HCK: variants seen among roughly 807,000 people sequenced by gnomAD.
HCK encodes the protein tyrosine-protein kinase HCK.
Under a neutral mutation model 70.4 loss-of-function variants are expected in HCK, and 40 were observed. The ratio of observed to expected loss-of-function variants is 0.57; its 90% confidence interval spans 0.44 to 0.74. The LOEUF (loss-of-function observed/expected upper bound fraction) is 0.74, where lower values mean the gene tolerates loss of function less well. Among genes scored for constraint, HCK ranks in the 30% least tolerant of loss-of-function variants. The pLI, the probability that HCK is intolerant of heterozygous loss-of-function variation, is 0.00. For synonymous variants in HCK, 245 were observed against 263.2 expected (o/e 0.93, Z 0.67); for missense variants, 568 against 697.2 (o/e 0.81, Z 2.09).
intron 1 of HCK, among the ~76,000 whole-genome samples, chr20:32,067,362 C>T (rs1259409932): frequency 6.6e-6 from 1 of 152,224 alleles, no homozygotes; most frequent in South Asian, 2.1e-4. Context: ...ACTCTACACC[C>T]ATTGAACACC....
intron 1 of HCK, among the ~76,000 whole-genome samples, chr20:32,070,982 G>A (rs1321609539): frequency 7.3e-6 from 1 of 136,734 alleles, no homozygotes. Flanking sequence ...AGGAAGGAAG[G>A]GAGGGAGGGA....
At chr20:32,053,210 G>C (rs1007824472) in intron 1 of HCK, among the ~76,000 whole-genome samples, 1 of 152,172 alleles carries the variant, frequency 6.6e-6, no homozygotes, top group Non-Finnish European at 1.5e-5. Context: ...GTGGGTAGCG[G>C]AGGGGGCTTC....
chr20:32,078,170 G>A (rs2045655047), intron 5 of HCK, among the ~76,000 whole-genome samples: 1 of 151,474 alleles, frequency 6.6e-6, no homozygotes, highest in African/African-American at 2.4e-5. Context: ...GAGTAGCTGG[G>A]ACTACAGGCT....
intron 11 of HCK, among the ~76,000 whole-genome samples, chr20:32,094,621 G>A (rs2045908844): frequency 6.6e-6 from 1 of 151,354 alleles, no homozygotes; most frequent in South Asian, 2.1e-4. Context: ...CTAGGAAGCT[G>A]AAGCTGCAGT....
chr20:32,084,284 G>A, intron 7 of HCK, 107 bp from the exon 8 acceptor site: 3 of 1,298,846 alleles, frequency 2.3e-6, no homozygotes, highest in Non-Finnish European at 2.1e-6. Context: ...TGGCAACCAG[G>A]TGGAACACTG....
intron 1 of HCK, among the ~76,000 whole-genome samples, chr20:32,054,991 C>T (rs1035607546): frequency 1.3e-5 from 2 of 152,134 alleles, no homozygotes; most frequent in African/African-American, 2.4e-5. Flanking sequence ...CAGCAGGTAA[C>T]GACTCTACAG....
At chr20:32,087,507 A>T (rs1465897746) in intron 9 of HCK, among the ~76,000 whole-genome samples, 1 of 151,996 alleles carries the variant, frequency 6.6e-6, no homozygotes, top group African/African-American at 2.4e-5. Context: ...CCCTCTGCCT[A>T]CCCAGGCTGG....
intron 1 of HCK, among the ~76,000 whole-genome samples, chr20:32,071,014 A>G (rs767851708): frequency 1.1e-4 from 17 of 151,690 alleles, no homozygotes; most frequent in Non-Finnish European, 2.4e-4. Context: ...AGTTATAAGC[A>G]ATTTATAAAT....
chr20:32,083,992 T>C lies in HCK; in HGVS notation c.631T>C (p.Ser211Pro). ...CCTGGACAACGGGGGCTTCTACATA[T>C]CCCCCCGAAGCACCTTCAGCACTCT... The change falls in exon 7 of 13, where the codon TCC becomes CCC. Residue 211 changes from serine to proline, a missense_variant. Ser to Pro is a moderately conservative substitution (Grantham distance 74). Coordinates refer to ENST00000375852, the MANE Select transcript of HCK (RefSeq NM_002110.5). 1 of 1,613,780 alleles carries C rather than the reference T, an allele frequency of 6.2e-7. No individual in the cohort carries two copies. The highest frequency in any genetic ancestry group is 8.5e-7 in the Non-Finnish European group (1 of 1,179,890).
At chr20:32,094,763 AGGAAAGAAAGAAAG>A (rs1569009952) in intron 11 of HCK, among the ~76,000 whole-genome samples, 5 of 114,186 alleles carry the variant, frequency 4.4e-5, no homozygotes, top group South Asian at 2.9e-4. Flanking sequence ...GAAAGAAAGA[AGGAAAGAAAGAAAG>A]AGAGAGAAAG....
At chr20:32,063,070 T>C (rs961270970) in intron 1 of HCK, among the ~76,000 whole-genome samples, 8 of 152,152 alleles carry the variant, frequency 5.3e-5, no homozygotes, top group African/African-American at 1.9e-4. Flanking sequence ...GCAGGAGAGC[T>C]GAGTGCCAGT....
intron 1 of HCK, among the ~76,000 whole-genome samples, chr20:32,068,249 G>A (rs981524138): frequency 4.6e-5 from 7 of 151,720 alleles, no homozygotes; most frequent in Non-Finnish European, 8.8e-5. Context: ...GGTGAGTGGA[G>A]ATGGCACCAC....
Position 32,101,512 on chromosome 20 carries a change from A to C in HCK, c.1574A>C (p.Gln525Pro). ...GCCACAGAGAGCCAGTACCAACAGCAGCCATGATAGGGAGGACCAGGGCAG... is the reference window on the plus strand; with the variant it reads ...GCCACAGAGAGCCAGTACCAACAGCCGCCATGATAGGGAGGACCAGGGCAG... Residue 525 changes from glutamine to proline, a missense_variant, in exon 13 of 13, where the codon CAG (glutamine) becomes CCG (proline). Transcript: ENST00000375852. 1 of 1,612,616 alleles carries C rather than the reference A, an allele frequency of 6.2e-7. No individual in the cohort carries two copies.
At chr20:32,054,299 G>A in intron 1 of HCK, 1 of 455,814 alleles carries the variant, frequency 2.2e-6, no homozygotes, top group Non-Finnish European at 4.4e-6. Context: ...TAAACAACAC[G>A]TAGGATTGTT....
At chr20:32,055,567 A>G (rs2045258065) in intron 1 of HCK, among the ~76,000 whole-genome samples, 1 of 152,246 alleles carries the variant, frequency 6.6e-6, no homozygotes, top group Non-Finnish European at 1.5e-5. Context: ...TAGTGGCTGC[A>G]TAATATTCCA....
intron 1 of HCK, 113 bp from the exon 2 acceptor site, chr20:32,071,549 G>T: frequency 7.4e-7 from 1 of 1,357,224 alleles, no homozygotes; most frequent in Admixed American, 2.0e-5. Context: ...TTAAGACCGG[G>T]AAGGCCAGTG....
chr20:32,095,615 G>A (rs983629976), intron 11 of HCK, among the ~76,000 whole-genome samples: 6 of 152,116 alleles, frequency 3.9e-5, no homozygotes, highest in African/African-American at 1.4e-4. Context: ...AGCTGGTGGT[G>A]GGGAGTTGGG....
intron 1 of HCK, among the ~76,000 whole-genome samples, chr20:32,052,876 T>C (rs2045201677): frequency 6.6e-6 from 1 of 151,022 alleles, no homozygotes; most frequent in Non-Finnish European, 1.5e-5. Context: ...GCCCTTACGG[T>C]TCCCGGTGGG....
intron 5 of HCK, among the ~76,000 whole-genome samples, chr20:32,078,879 AG>A (rs377179319): frequency 0.015 from 1,964 of 134,630 alleles, 118 homozygotes; most frequent in South Asian, 0.018. Flanking sequence ...AAAAAAAAAA[AG>A]GGGGGGAATG....
Sources: allele counts gnomAD v4.1 joint callset (sites outside exome capture counted in the v4.1 genomes callset), GRCh38; gene constraint gnomAD v4.1.1; transcripts MANE v1.5; gene names NCBI Gene and HGNC (gene_info 2026-07-23, HGNC 2026-07-21).